MATN2: variants seen among roughly 807,000 people sequenced by gnomAD.
The protein encoded by MATN2 is matrilin-2.
A neutral mutation model predicts 103.2 loss-of-function variants in MATN2; 69 were observed. The observed-to-expected ratio is 0.67, with a 90% CI of 0.55 to 0.82. The LOEUF is 0.82. MATN2 is among the 40% of genes least tolerant of loss of function. The pLI, the probability that MATN2 is intolerant of heterozygous loss-of-function variation, is 0.00. For synonymous variants in MATN2, 429 were observed against 450.2 expected, an observed-to-expected ratio of 0.95 and a Z score of 0.60; for missense variants, 1,023 against 1,211.5, an observed-to-expected ratio of 0.84 and a Z score of 2.31.
At chr8:98,003,975 G>A (rs1812873425) in intron 8 of MATN2, 192 bp downstream of exon 8, 3 of 622,920 alleles carry the variant, frequency 4.8e-6, no homozygotes, top group Non-Finnish European at 8.2e-6. Context: ...AGCCAACTTG[G>A]GTTGCAAGGA....
intron 4 of MATN2, among the ~76,000 whole-genome samples, chr8:97,960,907 T>C (rs530532266): frequency 1.7e-4 from 26 of 152,310 alleles, no homozygotes; most frequent in Admixed American, 1.6e-3. Context: ...CTCCGCCTCC[T>C]GAGTTCAAGC....
intron 1 of MATN2, among the ~76,000 whole-genome samples, chr8:97,874,297 C>T (rs989049491): frequency 1.3e-5 from 2 of 152,154 alleles, no homozygotes; most frequent in East Asian, 1.9e-4. Context: ...AGAGGCTGCA[C>T]GCATTGCTCG....
chr8:98,012,904 C>T (rs553864068), intron 10 of MATN2, among the ~76,000 whole-genome samples: 1 of 152,320 alleles, frequency 6.6e-6, no homozygotes, highest in East Asian at 1.9e-4. Flanking sequence ...AGGGGTTGGA[C>T]TAGTTCATAT....
chr8:98,034,786 T>A (rs1160339054), intron 18 of MATN2, among the ~76,000 whole-genome samples: 6 of 152,190 alleles, frequency 3.9e-5, no homozygotes, highest in Non-Finnish European at 8.8e-5. Flanking sequence ...ACTTCATATC[T>A]TACTTTCCAA....
intron 6 of MATN2, among the ~76,000 whole-genome samples, chr8:97,994,115 G>T (rs1812486102): frequency 6.8e-6 from 1 of 146,486 alleles, no homozygotes; most frequent in African/African-American, 2.5e-5. Flanking sequence ...GGAAAGGAAG[G>T]AAGGAAGGAA....
intron 15 of MATN2, among the ~76,000 whole-genome samples, chr8:98,030,862 C>T (rs1168542941): frequency 6.6e-6 from 1 of 152,032 alleles, no homozygotes; most frequent in East Asian, 1.9e-4. Context: ...GAGGTTTCAC[C>T]ATGTTGGCCA....
chr8:97,996,364 CG>C (rs978580742), intron 7 of MATN2, among the ~76,000 whole-genome samples: 4 of 152,072 alleles, frequency 2.6e-5, no homozygotes, highest in South Asian at 4.1e-4. Flanking sequence ...AAAGGAAGAG[CG>C]AGTAGAGAGG....
intron 3 of MATN2, among the ~76,000 whole-genome samples, chr8:97,934,400 G>A (rs956953131): frequency 2.6e-5 from 4 of 152,348 alleles, no homozygotes; most frequent in East Asian, 1.9e-4. Context: ...ACTGAGGACC[G>A]ATGGGCTAGG....
At chr8:97,890,563 T>G (rs533218166) in intron 2 of MATN2, among the ~76,000 whole-genome samples, 1 of 152,142 alleles carries the variant, frequency 6.6e-6, no homozygotes, top group Non-Finnish European at 1.5e-5. Flanking sequence ...TCTGCTTTTT[T>G]TTTTCTCATT....
Position 98,035,766 on chromosome 8 carries a change from G to A in MATN2, c.*54G>A. On this transcript the variant is annotated 3_prime_UTR_variant, in exon 19 of 19. Coordinates refer to ENST00000254898, the MANE Select transcript of MATN2 (RefSeq NM_002380.5). ...CATTGTATCACGGATTACAATGAAC[G>A]CAGTGCAGAGCCCCAAAGCTCAGGC... 2 of 1,122,260 alleles carry A rather than the reference G, an allele frequency of 1.8e-6. No homozygotes were observed. Among genetic ancestry groups the A allele is most frequent in the Non-Finnish European group, 2.6e-6 (2 of 769,290 alleles). 69.5% of individuals were successfully genotyped at this position (1,122,260 alleles called of 1,614,324 possible).
At chr8:97,984,025 C>T (rs1158051981) in intron 6 of MATN2, among the ~76,000 whole-genome samples, 1 of 152,202 alleles carries the variant, frequency 6.6e-6, no homozygotes, top group Non-Finnish European at 1.5e-5. Context: ...GCATAGTTAA[C>T]ATACTGAGTG....
At chr8:97,922,866 T>C (rs1809858966) in intron 2 of MATN2, among the ~76,000 whole-genome samples, 1 of 152,224 alleles carries the variant, frequency 6.6e-6, no homozygotes, top group Non-Finnish European at 1.5e-5. Flanking sequence ...ATCTTTTTGG[T>C]CTGCCTGCTT....
intron 2 of MATN2, among the ~76,000 whole-genome samples, chr8:97,891,519 G>A (rs1400126675): frequency 6.6e-6 from 1 of 151,876 alleles, no homozygotes; most frequent in African/African-American, 2.4e-5. Context: ...TGTATTTTTT[G>A]TAGAGACAGG....
At chr8:97,972,491 T>C (rs989940860) in intron 5 of MATN2, among the ~76,000 whole-genome samples, 4 of 152,204 alleles carry the variant, frequency 2.6e-5, no homozygotes, top group Admixed American at 6.5e-5. Context: ...AGTAAATTGG[T>C]TCTACCATTT....
chr8:97,998,268 C>T lies in MATN2; in HGVS notation c.1204+3666C>T, dbSNP rs1812656850. Among the ~76,000 whole-genome samples, 3 of 150,998 alleles carry T rather than the reference C, an allele frequency of 2.0e-5. No individual in the cohort carries two copies. The South Asian group carries it at 6.3e-4, about 32-fold the overall frequency. On this transcript the variant is annotated intron_variant, in intron 7 of 18. Coordinates refer to ENST00000254898, the MANE Select transcript of MATN2 (RefSeq NM_002380.5). ...GGGCGCGGTGGCTCACGCCTGTAATCCCAGCACTTTGGGAGGCCGAGGCGG... is the reference window on the plus strand; with the variant it reads ...GGGCGCGGTGGCTCACGCCTGTAATTCCAGCACTTTGGGAGGCCGAGGCGG...
chr8:97,932,726 C>T lies in MATN2; in HGVS notation c.712+1204C>T, dbSNP rs553638304. Among the ~76,000 whole-genome samples the T allele has an allele frequency of 3.9e-5, 6 of 152,348 alleles. No individual in the cohort carries two copies. The South Asian group carries it at 1.0e-3, about 26-fold the overall frequency. ...GGCCAGCCGCCCAATCCAGGAAACT[C>T]GCATCCTGATTTGGTAAACAATGTC... On this transcript the variant is annotated intron_variant, in intron 3 of 18. Transcript: ENST00000254898.
In MATN2 at chr8:98,005,467, A is replaced by G. The variant is rs1184586573; in HGVS notation, c.1328-1638A>G. 6.6e-6 allele frequency among the ~76,000 whole-genome samples: 1 copy of G among 152,150 alleles called. No individual in the cohort carries two copies. The highest frequency in any genetic ancestry group is 1.5e-5 in the Non-Finnish European group (1 of 68,026). ...TCCTGACCTGGCTGAGCCCACGCAG[A>G]TCACCAGGGACATGGCTTGACTGCC... On this transcript the variant is annotated intron_variant, in intron 8 of 18. Coordinates refer to ENST00000254898, the MANE Select transcript of MATN2 (RefSeq NM_002380.5). The surrounding 1 kb of genome is among the most constrained non-coding windows in gnomAD (Gnocchi z 4.6).
At chr8:97,871,913 G>A (rs1005840212) in intron 1 of MATN2, among the ~76,000 whole-genome samples, 12 of 152,316 alleles carry the variant, frequency 7.9e-5, no homozygotes, top group African/African-American at 2.2e-4. Flanking sequence ...CTTGGCACCC[G>A]AAAGACCTGG....
At chr8:97,929,485 C>A (rs948975206) in intron 2 of MATN2, among the ~76,000 whole-genome samples, 5 of 152,182 alleles carry the variant, frequency 3.3e-5, no homozygotes, top group African/African-American at 1.2e-4. Flanking sequence ...AAACTCCCAA[C>A]AGGAATGCCC....
Sources: gnomAD v4.1 joint callset for allele counts (sites outside exome capture counted in the v4.1 genomes callset) on GRCh38, gnomAD v4.1.1 for gene constraint, Gnocchi (gnomAD v3.1) non-coding constraint, MANE v1.5 for transcripts, NCBI Gene and HGNC (gene_info 2026-07-23, HGNC 2026-07-21) for gene names.